The following TTC28 variants were observed in gnomAD, a reference collection of about 807,000 sequenced individuals.
The protein encoded by TTC28 is tetratricopeptide repeat protein 28.
Under a neutral mutation model 198.0 loss-of-function variants are expected in TTC28, and 61 were observed. That is an observed-to-expected ratio of 0.31 (90% CI 0.25 to 0.38). The LOEUF (loss-of-function observed/expected upper bound fraction) is 0.38, where lower values mean the gene tolerates loss of function less well. TTC28 is among the 10% of genes least tolerant of loss of function. The pLI, the probability that TTC28 is intolerant of heterozygous loss-of-function variation, is 1.00. For missense variants in TTC28, 2,678 were observed against 3,164.0 expected (o/e 0.85, Z 3.69); for synonymous variants, 1,171 against 1,297.8 (o/e 0.90, Z 2.10).
intron 5 of TTC28, among the ~76,000 whole-genome samples, chr22:28,287,042 T>C (rs1053785703): frequency 6.6e-6 from 1 of 152,128 alleles, no homozygotes; most frequent in African/African-American, 2.4e-5. Flanking sequence ...CATACATATA[T>C]GTAAAGAACC....
chr22:28,658,543 G>C (rs1049888379), intron 1 of TTC28, among the ~76,000 whole-genome samples: 2 of 152,186 alleles, frequency 1.3e-5, no homozygotes, highest in African/African-American at 4.8e-5. Flanking sequence ...AGAGGGAATA[G>C]GGATTTTATT....
rs756148174 is a variant in TTC28 at position 28,546,315 on chromosome 22, G to A, written c.381+83237C>T. Among the ~76,000 whole-genome samples, 4 of 152,236 alleles carry A rather than the reference G, an allele frequency of 2.6e-5. 1 individual carries two copies. Among genetic ancestry groups the A allele is most frequent in the Middle Eastern group, 6.8e-3 (2 of 294 alleles). On this transcript the variant is annotated intron_variant, in intron 2 of 22. Coordinates refer to ENST00000397906, the MANE Select transcript of TTC28 (RefSeq NM_001145418.2). ...ACAAAAATTAGCCAGGTGTGGTGGT[G>A]CACACCTGTAGTCCCAGCTACTTGG...
At chr22:28,158,018 T>A (rs959069856) in intron 6 of TTC28, among the ~76,000 whole-genome samples, 1 of 151,714 alleles carries the variant, frequency 6.6e-6, no homozygotes, top group African/African-American at 2.4e-5. Flanking sequence ...TGGAAAAATC[T>A]AAAGACTCCA....
chr22:28,591,040 C>CACACAT (rs1362164401), intron 2 of TTC28, among the ~76,000 whole-genome samples: 4 of 30,754 alleles, frequency 1.3e-4, no homozygotes, highest in African/African-American at 4.9e-4. Flanking sequence ...CACACACACA[C>CACACAT]ATATATATAT....
At chr22:28,552,481 C>T (rs868409290) in intron 2 of TTC28, among the ~76,000 whole-genome samples, 2 of 152,076 alleles carry the variant, frequency 1.3e-5, no homozygotes, top group African/African-American at 4.8e-5. Context: ...TCAAAGTATA[C>T]TATAAGGCCA....
chr22:28,231,413 A>T (rs1178162643), intron 5 of TTC28, among the ~76,000 whole-genome samples: 2 of 152,146 alleles, frequency 1.3e-5, no homozygotes. Context: ...AAGGCAGGGG[A>T]TTGAGCCTGG....
chr22:28,373,945 T>TCCC (rs1005557282), intron 2 of TTC28, among the ~76,000 whole-genome samples: 2 of 152,252 alleles, frequency 1.3e-5, no homozygotes, highest in African/African-American at 2.4e-5. Flanking sequence ...ACATCCTGCC[T>TCCC]CCCTTCTTTG....
chr22:28,649,624 T>C (rs1333397292), intron 1 of TTC28, among the ~76,000 whole-genome samples: 18 of 152,226 alleles, frequency 1.2e-4, no homozygotes, highest in Admixed American at 1.2e-3. Context: ...TTCTAGCCTT[T>C]GTATCTCTAC....
At chr22:28,208,824 G>A (rs550666665) in intron 5 of TTC28, among the ~76,000 whole-genome samples, 59 of 151,950 alleles carry the variant, frequency 3.9e-4, no homozygotes, top group Admixed American at 6.6e-4. Flanking sequence ...AACCAATTTC[G>A]GCCTCTGGGA....
intron 2 of TTC28, among the ~76,000 whole-genome samples, chr22:28,386,839 T>C (rs1296506043): frequency 6.6e-6 from 1 of 152,198 alleles, no homozygotes; most frequent in Non-Finnish European, 1.5e-5. Context: ...TGTTTTGTTT[T>C]GTTTTAAGTT....
intron 6 of TTC28, among the ~76,000 whole-genome samples, chr22:28,151,931 GT>G (rs1943617831): frequency 6.6e-6 from 1 of 152,168 alleles, no homozygotes; most frequent in African/African-American, 2.4e-5. Flanking sequence ...GACTTTGACA[GT>G]TTGTGTAGTC....
intron 1 of TTC28, among the ~76,000 whole-genome samples, chr22:28,644,151 G>A (rs1467910744): frequency 2.7e-5 from 4 of 149,330 alleles, no homozygotes; most frequent in Non-Finnish European, 6.0e-5. Flanking sequence ...TGTAATCCCA[G>A]CACTTTGGGA....
chr22:28,070,681 AAG>A (rs1940932025), intron 12 of TTC28, among the ~76,000 whole-genome samples: 1 of 152,174 alleles, frequency 6.6e-6, no homozygotes, highest in Non-Finnish European at 1.5e-5. Context: ...GCAAGTCTAA[AAG>A]AGATAATTTA....
intron 2 of TTC28, among the ~76,000 whole-genome samples, chr22:28,475,214 G>T (rs2048147946): frequency 6.8e-6 from 1 of 148,118 alleles, no homozygotes; most frequent in African/African-American, 2.5e-5. Context: ...AAACAAGTAA[G>T]ATAATTATTT....
intron 1 of TTC28, among the ~76,000 whole-genome samples, chr22:28,658,116 T>C (rs140099775): frequency 1.3e-5 from 2 of 152,294 alleles, no homozygotes; most frequent in East Asian, 1.9e-4. Context: ...AAAATACTTA[T>C]GCATCTGAAG....
At chr22:28,296,378 T>G (rs1233478235) in intron 4 of TTC28, 50 bp from the exon 5 acceptor site, 1 of 1,423,502 alleles carries the variant, frequency 7.0e-7, no homozygotes, top group Non-Finnish European at 9.3e-7. Context: ...TAAGTTATAA[T>G]GTTATTTATA....
chr22:28,593,470 TAGG>T (rs2050474918), intron 2 of TTC28, among the ~76,000 whole-genome samples: 1 of 32,342 alleles, frequency 3.1e-5, no homozygotes, highest in Non-Finnish European at 6.5e-5. Flanking sequence ...GGTAGGTAGC[TAGG>T]TAGGTAGGTA....
intron 2 of TTC28, among the ~76,000 whole-genome samples, chr22:28,422,441 ATTTT>A (rs766933774): frequency 2.8e-5 from 4 of 144,708 alleles, no homozygotes; most frequent in Non-Finnish European, 4.6e-5. Flanking sequence ...ACATTAAATA[ATTTT>A]TTTTTTTTTT....
At chr22:28,399,217 T>A (rs1197821339) in intron 2 of TTC28, among the ~76,000 whole-genome samples, 1 of 152,000 alleles carries the variant, frequency 6.6e-6, no homozygotes, top group African/African-American at 2.4e-5. Context: ...AACCCCGCAT[T>A]ATCTCTGTAA....
Sources: allele counts gnomAD v4.1 joint callset (sites outside exome capture counted in the v4.1 genomes callset), GRCh38; gene constraint gnomAD v4.1.1; transcripts MANE v1.5; gene names NCBI Gene and HGNC (gene_info 2026-07-23, HGNC 2026-07-21).